EFCAB6: variants seen among roughly 807,000 people sequenced by gnomAD.
The protein encoded by EFCAB6 is EF-hand calcium binding domain 6, also known as EF-hand calcium-binding domain-containing protein 6.
In EFCAB6, 156 loss-of-function variants were observed where a neutral mutation model predicts 169.8. That is an observed-to-expected ratio of 0.92 (90% CI 0.81 to 1.05). The LOEUF (loss-of-function observed/expected upper bound fraction) is 1.05, where lower values mean the gene tolerates loss of function less well. Ranked by LOEUF, EFCAB6 falls within the 50% of genes least tolerant of loss-of-function variation. The pLI is 0.00. For missense variants in EFCAB6, 1,800 were observed against 1,829.1 expected, an observed-to-expected ratio of 0.98 and a Z score of 0.29; for synonymous variants, 698 against 676.4, an observed-to-expected ratio of 1.03 and a Z score of -0.50.
chr22:43,782,613 T>G (rs2061865247), intron 2 of EFCAB6, among the ~76,000 whole-genome samples: 1 of 152,202 alleles, frequency 6.6e-6, no homozygotes, highest in Non-Finnish European at 1.5e-5. Context: ...CTCATTTCTT[T>G]GGTAGGCAGT....
At chr22:43,654,669 G>A (rs939313600) in intron 17 of EFCAB6, among the ~76,000 whole-genome samples, 1 of 152,194 alleles carries the variant, frequency 6.6e-6, no homozygotes, top group Admixed American at 6.5e-5. Context: ...CACAGCCAAG[G>A]GGAGCCTCAG....
chr22:43,746,116 G>T (rs886469151), intron 6 of EFCAB6, among the ~76,000 whole-genome samples: 1 of 152,134 alleles, frequency 6.6e-6, no homozygotes, highest in African/African-American at 2.4e-5. Flanking sequence ...CTTCCAATCC[G>T]GGGACAAGCG....
chr22:43,793,985 A>G lies in EFCAB6; in HGVS notation c.-7-11660T>C, dbSNP rs1418556320. 2.0e-5 allele frequency among the ~76,000 whole-genome samples: 3 copies of G among 152,284 alleles called. No homozygotes were observed. In the East Asian group the frequency reaches 5.8e-4, roughly 29 times the overall value. The stretch of plus-strand genomic sequence containing the variant: ...TATAGCTTTAAAACGGTGGTTCTCA[A>G]AAGTGTGGTGCCTGAACCAGCACTT... On this transcript the variant is annotated intron_variant, in intron 2 of 31. Transcript: ENST00000262726.
At chr22:43,645,922 G>A (rs2056126846) in intron 17 of EFCAB6, among the ~76,000 whole-genome samples, 1 of 152,076 alleles carries the variant, frequency 6.6e-6, no homozygotes, top group African/African-American at 2.4e-5. Flanking sequence ...AATGTCAAGG[G>A]GAATTCCAGG....
chr22:43,690,063 G>T (rs936075999), intron 10 of EFCAB6, among the ~76,000 whole-genome samples: 3 of 152,110 alleles, frequency 2.0e-5, no homozygotes, highest in African/African-American at 7.2e-5. Flanking sequence ...TATCCACCCA[G>T]CCAGATATCC....
chr22:43,563,901 G>A (rs1464261699), intron 26 of EFCAB6, among the ~76,000 whole-genome samples: 1 of 152,252 alleles, frequency 6.6e-6, no homozygotes, highest in Non-Finnish European at 1.5e-5. Context: ...CCATGCCACA[G>A]AACTGCGTCT....
At chr22:43,767,948 T>C (rs1399188804) in intron 4 of EFCAB6, among the ~76,000 whole-genome samples, 1 of 152,222 alleles carries the variant, frequency 6.6e-6, no homozygotes, top group African/African-American at 2.4e-5. Flanking sequence ...AAACCATCTA[T>C]AGACGAATTG....
chr22:43,725,035 G>C (rs2059672889), intron 8 of EFCAB6, among the ~76,000 whole-genome samples: 3 of 152,040 alleles, frequency 2.0e-5, no homozygotes, highest in Non-Finnish European at 4.4e-5. Context: ...CCAAGGTCAA[G>C]GGACTGCAGC....
intron 17 of EFCAB6, among the ~76,000 whole-genome samples, chr22:43,659,094 C>G (rs931319577): frequency 6.6e-6 from 1 of 152,220 alleles, no homozygotes; most frequent in Non-Finnish European, 1.5e-5. Flanking sequence ...CTGTGGTACC[C>G]CTAATCCAGC....
At chr22:43,740,433 G>A (rs1350221122) in intron 6 of EFCAB6, among the ~76,000 whole-genome samples, 7 of 152,088 alleles carry the variant, frequency 4.6e-5, no homozygotes, top group African/African-American at 1.7e-4. Flanking sequence ...CAGAAGCCTC[G>A]TGTTATGTCT....
chr22:43,757,107 C>T (rs968419914), intron 5 of EFCAB6, among the ~76,000 whole-genome samples: 14 of 152,198 alleles, frequency 9.2e-5, no homozygotes, highest in African/African-American at 3.1e-4. Context: ...TAGGAGGAAA[C>T]TGAGTCTCAG....
At chr22:43,551,282 C>T (rs1056021464) in intron 27 of EFCAB6, among the ~76,000 whole-genome samples, 8 of 152,212 alleles carry the variant, frequency 5.3e-5, no homozygotes, top group African/African-American at 1.7e-4. Flanking sequence ...GAGCTCTGGG[C>T]TTTTGCTGTT....
rs774599498 is a variant in EFCAB6, at chr22:43,782,334, T to C, written c.-7-9A>G. On this transcript the variant is annotated splice_polypyrimidine_tract_variant and intron_variant, in intron 2 of 31. Transcript: ENST00000262726. ...TTTTGCACATTAAATCCCTGTGATA[T>C]AAAAGAAAACAGATTACGTTACCTT... 1 of 1,609,808 alleles carries C rather than the reference T, an allele frequency of 6.2e-7. No homozygotes were observed. The highest frequency in any genetic ancestry group is 8.5e-7 in the Non-Finnish European group (1 of 1,178,642).
At chr22:43,557,072 C>T (rs12170168) in intron 26 of EFCAB6, among the ~76,000 whole-genome samples, 10 of 152,066 alleles carry the variant, frequency 6.6e-5, no homozygotes, top group African/African-American at 9.7e-5. Flanking sequence ...CAGGGCCTCA[C>T]GTAAACATTA....
intron 13 of EFCAB6, among the ~76,000 whole-genome samples, chr22:43,674,663 T>C (rs1000963429): frequency 1.1e-4 from 16 of 152,312 alleles, no homozygotes; most frequent in African/African-American, 3.1e-4. Flanking sequence ...AGAGAAGGGA[T>C]TGCTTACGTG....
At chr22:43,717,313 G>A (rs918152323) in intron 8 of EFCAB6, among the ~76,000 whole-genome samples, 1 of 150,604 alleles carries the variant, frequency 6.6e-6, no homozygotes, top group African/African-American at 2.4e-5. Flanking sequence ...AAACACTAAA[G>A]CCAGAATTTA....
chr22:43,715,949 T>C, intron 9 of EFCAB6, among the ~76,000 whole-genome samples: 1 of 152,236 alleles, frequency 6.6e-6, no homozygotes, highest in East Asian at 1.9e-4. Context: ...CTATGAATGT[T>C]GGGAATTATT....
chr22:43,539,719 T>G (rs968547843), intron 28 of EFCAB6, among the ~76,000 whole-genome samples: 1 of 152,214 alleles, frequency 6.6e-6, no homozygotes, highest in Non-Finnish European at 1.5e-5. Flanking sequence ...GAATGCCTCT[T>G]AGAGCCTCAC....
intron 4 of EFCAB6, among the ~76,000 whole-genome samples, chr22:43,770,328 G>A (rs187279979): frequency 6.6e-6 from 1 of 152,262 alleles, no homozygotes; most frequent in Admixed American, 6.5e-5. Context: ...TATTAGCTCT[G>A]TTCTGAAATA....
Sources: allele counts gnomAD v4.1 joint callset (sites outside exome capture counted in the v4.1 genomes callset), GRCh38; gene constraint gnomAD v4.1.1; transcripts MANE v1.5; gene names NCBI Gene and HGNC (gene_info 2026-07-23, HGNC 2026-07-21).